RALGAPB: variants seen among roughly 807,000 people sequenced by gnomAD.
RALGAPB encodes Ral GTPase activating protein non-catalytic subunit beta, also known as ral GTPase-activating protein subunit beta.
RALGAPB carries 25 observed loss-of-function variants against 161.1 expected under a neutral mutation model. The observed-to-expected ratio is 0.16, with a 90% CI of 0.11 to 0.22. RALGAPB has a LOEUF of 0.22. Among genes scored for constraint, RALGAPB ranks in the 10% least tolerant of loss-of-function variants. RALGAPB has a pLI of 1.00. For missense variants in RALGAPB, 1,391 were observed against 1,815.2 expected, an observed-to-expected ratio of 0.77 and a Z score of 4.25; for synonymous variants, 629 against 626.1, an observed-to-expected ratio of 1.00 and a Z score of -0.07.
chr20:38,505,829 G>A (rs183499724), intron 5 of RALGAPB, among the ~76,000 whole-genome samples: 11 of 152,010 alleles, frequency 7.2e-5, no homozygotes, highest in Admixed American at 6.6e-4. Flanking sequence ...AGTTATACCC[G>A]TATAACTCTA....
chr20:38,549,375 A>T (rs1184351104), intron 20 of RALGAPB, among the ~76,000 whole-genome samples: 1 of 151,716 alleles, frequency 6.6e-6, no homozygotes, highest in Non-Finnish European at 1.5e-5. Context: ...CTGTAGGCAC[A>T]TGCCATGGCA....
rs140936843 is a variant in RALGAPB, at chr20:38,535,151, C to T, written c.2323C>T (p.Arg775Cys). ...LVTQRLNSQW[R>C]QDMSISLAAL... ...CACCCAAAGACTCAACTCCCAGTGG[C>T]GCCAAGACATGAGCATATCACTGGC... The change falls in exon 16 of 30, where the codon CGC becomes TGC. Residue 775 changes from arginine (R) to cysteine (C), a missense_variant. By Grantham distance (180) the Arg-to-Cys change is radical. This residue lies in a region of RALGAPB where 946 missense variants were observed against 1,257.2 expected (regional missense o/e 0.75). Transcript: ENST00000262879. 9.9e-6 allele frequency: 16 copies of T among 1,613,940 alleles called. No homozygotes were observed. Among genetic ancestry groups the T allele is most frequent in the South Asian group, 2.2e-5 (2 of 91,088 alleles).
intron 6 of RALGAPB, among the ~76,000 whole-genome samples, chr20:38,514,963 A>C (rs949046579): frequency 6.6e-6 from 1 of 152,224 alleles, no homozygotes; most frequent in African/African-American, 2.4e-5. Context: ...GGAGCCAATA[A>C]AATCATTCCT....
chr20:38,524,826 C>G lies in RALGAPB; in HGVS notation c.1668C>G (p.Cys556Trp), dbSNP rs754582714. The G allele has an allele frequency of 1.9e-6, 3 of 1,609,456 alleles. No individual in the cohort carries two copies. Among genetic ancestry groups the G allele is most frequent in the Non-Finnish European group, 2.6e-6 (3 of 1,175,792 alleles). ...GTTTGCAGATAAATGATTATGTGTG[C>G]CATCCTGTCTTGGCCAGCGTTATTC... Reference protein sequence around the residue: ...IQGLQINDYVCHPVLASVILN... With the variant: ...IQGLQINDYVWHPVLASVILN... Residue 556 changes from cysteine (C) to tryptophan (W), a missense_variant, in exon 11 of 30, where the codon TGC becomes TGG. Coordinates refer to ENST00000262879, the MANE Select transcript of RALGAPB (RefSeq NM_020336.4).
chr20:38,515,785 G>A (rs148539292), intron 6 of RALGAPB, among the ~76,000 whole-genome samples: 1 of 151,938 alleles, frequency 6.6e-6, no homozygotes, highest in Admixed American at 6.6e-5. Context: ...AGGCTGGAAT[G>A]CATTGGCATG....
intron 26 of RALGAPB, chr20:38,568,790 G>A (rs1295739015): frequency 6.6e-6 from 1 of 152,158 alleles, no homozygotes; most frequent in African/African-American, 2.4e-5. Context: ...TGGAACTTGT[G>A]ACTATGATAG....
chr20:38,486,244 A>G (rs1010794921), intron 1 of RALGAPB, among the ~76,000 whole-genome samples: 3 of 152,154 alleles, frequency 2.0e-5, no homozygotes, highest in African/African-American at 4.8e-5. Context: ...AAGTGCTGGG[A>G]TTACAGGTAT....
intron 1 of RALGAPB, among the ~76,000 whole-genome samples, chr20:38,473,356 C>T (rs982054334): frequency 7.2e-5 from 11 of 152,174 alleles, no homozygotes; most frequent in African/African-American, 2.7e-4. Flanking sequence ...GGGGGCGGGT[C>T]TGGAGCGGAG....
In RALGAPB at chr20:38,573,656, T is replaced by C. The variant is rs116858522; in HGVS notation, c.4143-494T>C. On this transcript the variant is annotated intron_variant, in intron 28 of 29. Coordinates refer to ENST00000262879, the MANE Select transcript of RALGAPB (RefSeq NM_020336.4). The stretch of plus-strand genomic sequence containing the variant: ...CGTCCTTCCCCACCCTGAAAAAAAA[T>C]TATATCGGGGATTCCTGTCATGGGC... 7.0e-3 allele frequency: 1,067 copies of C among 152,272 alleles called. 9 individuals are homozygous for C. The highest frequency in any genetic ancestry group is 9.8e-3 in the Non-Finnish European group (667 of 68,042). 9.4% of individuals were successfully genotyped at this position (152,272 alleles called of 1,614,324 possible).
intron 6 of RALGAPB, among the ~76,000 whole-genome samples, chr20:38,514,784 A>G (rs1290354864): frequency 3.3e-5 from 5 of 152,234 alleles, no homozygotes; most frequent in Admixed American, 3.3e-4. Flanking sequence ...AGATTGTTTC[A>G]GTAAATTTAG....
intron 1 of RALGAPB, among the ~76,000 whole-genome samples, chr20:38,484,281 C>G (rs899019664): frequency 5.3e-5 from 8 of 152,124 alleles, no homozygotes; most frequent in African/African-American, 1.7e-4. Context: ...TCCCTTTTTT[C>G]CCTAACAGCA....
chr20:38,492,824 A>T (rs1290310681), intron 2 of RALGAPB, 106 bp from the exon 3 acceptor site: 1 of 853,108 alleles, frequency 1.2e-6, no homozygotes, highest in Non-Finnish European at 1.9e-6. Context: ...AGACGAATAT[A>T]CTGTCAATTT....
chr20:38,511,313 C>G (rs892189115), intron 6 of RALGAPB, among the ~76,000 whole-genome samples: 4 of 150,794 alleles, frequency 2.7e-5, no homozygotes, highest in African/African-American at 9.8e-5. Context: ...GATATTGAGT[C>G]TGCCTTTCTT....
chr20:38,494,779 G>A (rs2085373497), intron 3 of RALGAPB, among the ~76,000 whole-genome samples: 1 of 152,190 alleles, frequency 6.6e-6, no homozygotes, highest in African/African-American at 2.4e-5. Flanking sequence ...CTTCGTGCCT[G>A]GGATAGTCTC....
intron 9 of RALGAPB, among the ~76,000 whole-genome samples, chr20:38,520,524 C>CTTTTTTTTTT: frequency 1.4e-5 from 1 of 70,320 alleles, no homozygotes; most frequent in Non-Finnish European, 2.8e-5. Context: ...TGTGTTTTGG[C>CTTTTTTTTTT]TTTTTTTTTT....
chr20:38,571,987 A>G (rs1019139154), intron 28 of RALGAPB, among the ~76,000 whole-genome samples: 5 of 152,122 alleles, frequency 3.3e-5, no homozygotes, highest in Admixed American at 3.3e-4. Context: ...AGGAGTTTTA[A>G]TAGTATAATT....
At chr20:38,495,626 A>G (rs1296907351) in intron 3 of RALGAPB, among the ~76,000 whole-genome samples, 1 of 152,224 alleles carries the variant, frequency 6.6e-6, no homozygotes, top group Admixed American at 6.5e-5. Context: ...GGTTTGACCC[A>G]TTGGCCAGCA....
intron 6 of RALGAPB, among the ~76,000 whole-genome samples, chr20:38,512,036 C>T (rs939626255): frequency 2.0e-5 from 3 of 152,114 alleles, no homozygotes; most frequent in Non-Finnish European, 4.4e-5. Context: ...TAGAATTTTG[C>T]GTATCTTCTT....
chr20:38,553,777 CAAAAAA>C (rs35778032), intron 21 of RALGAPB, 84 bp from the exon 22 acceptor site: 46 of 278,712 alleles, frequency 1.7e-4, no homozygotes, highest in South Asian at 2.4e-4. Context: ...AGCCCAGTCT[CAAAAAA>C]AAAAAAAAAA....
Sources: gnomAD v4.1 joint callset for allele counts (sites outside exome capture counted in the v4.1 genomes callset) on GRCh38, gnomAD v4.1.1 for gene constraint, gnomAD v4.1.1 regional missense constraint, MANE v1.5 for transcripts, NCBI Gene and HGNC (gene_info 2026-07-23, HGNC 2026-07-21) for gene names.